NKAIN3: variants seen among roughly 807,000 people sequenced by gnomAD.
NKAIN3 encodes sodium/potassium-transporting ATPase subunit beta-1-interacting protein 3.
A neutral mutation model predicts 30.2 loss-of-function variants in NKAIN3; 25 were observed. That is an observed-to-expected ratio of 0.83 (90% CI 0.60 to 1.16). NKAIN3 has a LOEUF of 1.16. NKAIN3 is among the 50% of genes most tolerant of loss of function. The pLI is 0.00. For missense variants in NKAIN3, 225 were observed against 254.1 expected, an observed-to-expected ratio of 0.89 and a Z score of 0.78; for synonymous variants, 91 against 89.6, an observed-to-expected ratio of 1.02 and a Z score of -0.09.
intron 1 of NKAIN3, among the ~76,000 whole-genome samples, chr8:62,550,862 TA>T (rs1809186420): frequency 6.6e-6 from 1 of 152,204 alleles, no homozygotes. Context: ...ATTCCTAGTA[TA>T]TTTCTAAATC....
chr8:62,905,274 G>A lies in NKAIN3; in HGVS notation c.472-13179G>A, dbSNP rs183275888. On this transcript the variant is annotated intron_variant, in intron 4 of 6. Coordinates refer to ENST00000623646, the MANE Select transcript of NKAIN3 (RefSeq NM_001304533.3). ...GTTGGAGTACAGATGCATGGCAGAG[G>A]AGAGTGGAAGATAAGCCTTGGAGCC... Among the ~76,000 whole-genome samples the A allele has an allele frequency of 2.6e-5, 4 of 152,276 alleles. No individual in the cohort carries two copies. The East Asian group carries it at 7.7e-4, about 29-fold the overall frequency.
chr8:62,500,001 C>T (rs1304123878), intron 1 of NKAIN3, among the ~76,000 whole-genome samples: 1 of 151,962 alleles, frequency 6.6e-6, no homozygotes, highest in African/African-American at 2.4e-5. Context: ...AAGATCAGAC[C>T]TAGCATTTTA....
intron 4 of NKAIN3, among the ~76,000 whole-genome samples, chr8:62,779,308 A>C (rs754459042): frequency 6.6e-6 from 1 of 152,170 alleles, no homozygotes; most frequent in Non-Finnish European, 1.5e-5. Context: ...CCTTATGCTT[A>C]GCCTGCTTCT....
chr8:62,344,244 C>T (rs576239505), intron 1 of NKAIN3, among the ~76,000 whole-genome samples: 14 of 152,096 alleles, frequency 9.2e-5, no homozygotes, highest in South Asian at 2.1e-4. Context: ...GGTAGCCCAA[C>T]CTCTATGACT....
intron 1 of NKAIN3, among the ~76,000 whole-genome samples, chr8:62,392,082 G>A (rs916132201): frequency 1.1e-4 from 17 of 151,876 alleles, no homozygotes; most frequent in Admixed American, 7.2e-4. Flanking sequence ...TTTAGTAGAA[G>A]AAACAAAATT....
At chr8:62,406,015 A>C (rs537561106) in intron 1 of NKAIN3, among the ~76,000 whole-genome samples, 1 of 152,312 alleles carries the variant, frequency 6.6e-6, no homozygotes, top group East Asian at 1.9e-4. Context: ...CTCCAATAAG[A>C]ATATAAGTTC....
At chr8:62,899,561 A>C (rs1330530244) in intron 4 of NKAIN3, among the ~76,000 whole-genome samples, 1 of 152,126 alleles carries the variant, frequency 6.6e-6, no homozygotes, top group Non-Finnish European at 1.5e-5. Context: ...GATAGACAGT[A>C]GAAGGATGGT....
chr8:62,747,123 A>G lies in NKAIN3; in HGVS notation c.465A>G (p.Leu155=). 8.2e-6 allele frequency: 13 copies of G among 1,593,312 alleles called. No individual in the cohort carries two copies. The highest frequency in any genetic ancestry group is 1.1e-5 in the Non-Finnish European group (13 of 1,162,550). The change falls in exon 4 of 7, where the codon CTA becomes CTG. Residue 155 remains leucine (L), a synonymous_variant. Coordinates refer to ENST00000623646, the MANE Select transcript of NKAIN3 (RefSeq NM_001304533.3). ...LEVIHSAVQI[L]LSLVGFVYAC... ...TCATCCACAGTGCTGTCCAAATACT[A>G]CTCTCTGTAAGTGTCACTTTTGTGT...
At chr8:62,681,150 G>A (rs1194795594) in intron 3 of NKAIN3, among the ~76,000 whole-genome samples, 1 of 152,154 alleles carries the variant, frequency 6.6e-6, no homozygotes, top group African/African-American at 2.4e-5. Flanking sequence ...TGCCAATCCT[G>A]TCTCAATAAT....
At chr8:62,426,015 T>C (rs1258258879) in intron 1 of NKAIN3, among the ~76,000 whole-genome samples, 1 of 152,016 alleles carries the variant, frequency 6.6e-6, no homozygotes, top group Non-Finnish European at 1.5e-5. Flanking sequence ...TGGATTTGAT[T>C]GATTGAATGG....
intron 1 of NKAIN3, among the ~76,000 whole-genome samples, chr8:62,409,728 A>C (rs1804180625): frequency 6.6e-6 from 1 of 152,004 alleles, no homozygotes; most frequent in Admixed American, 6.6e-5. Flanking sequence ...AAGAAGAAAA[A>C]TATCCAACTT....
At chr8:62,336,545 T>C (rs1384546642) in intron 1 of NKAIN3, among the ~76,000 whole-genome samples, 1 of 151,964 alleles carries the variant, frequency 6.6e-6, no homozygotes, top group Non-Finnish European at 1.5e-5. Flanking sequence ...ACAGTCTCTA[T>C]GAGGCCCTTC....
At chr8:62,788,655 T>G (rs537264204) in intron 4 of NKAIN3, among the ~76,000 whole-genome samples, 1 of 152,280 alleles carries the variant, frequency 6.6e-6, no homozygotes, top group Non-Finnish European at 1.5e-5. Context: ...TTCTAGGGTT[T>G]TTATGGTTTT....
chr8:62,908,852 C>T (rs1207725715), intron 4 of NKAIN3, among the ~76,000 whole-genome samples: 1 of 152,110 alleles, frequency 6.6e-6, no homozygotes, highest in East Asian at 1.9e-4. Flanking sequence ...TCTATCATTC[C>T]TTAAGGATTC....
chr8:62,494,206 G>A lies in NKAIN3; in HGVS notation c.55-85333G>A, dbSNP rs542880812. Among the ~76,000 whole-genome samples the A allele has an allele frequency of 4.6e-5, 7 of 152,120 alleles. No individual in the cohort carries two copies. In the South Asian group the frequency reaches 6.2e-4, roughly 14 times the overall value. ...TTGTGGTATGTTCCTTCAATAACTC[G>A]TTTATTGAGAATTTTTAACATGAAA... On this transcript the variant is annotated intron_variant, in intron 1 of 6. Transcript: ENST00000623646.
rs1273717813 is a variant in NKAIN3 at position 62,863,908 on chromosome 8, T to TC, written c.472-54543dup. On this transcript the variant is annotated intron_variant, in intron 4 of 6. Transcript: ENST00000623646. Reference sequence around the variant, plus strand: ...CTTGCTCATCATCTGATCCAGGATCTCCTCCTTTGGCTCTGGTGGTGTGGG... The same window carrying TC: ...CTTGCTCATCATCTGATCCAGGATCTCCCTCCTTTGGCTCTGGTGGTGTGGG... The TC allele has an allele frequency of 4.6e-6, 6 of 1,294,536 alleles. No individual in the cohort carries two copies. The African/African-American group carries it at 5.9e-5, about 13-fold the overall frequency. 80.2% of individuals were successfully genotyped at this position (1,294,536 alleles called of 1,614,324 possible). A position where few individuals can be genotyped will look rare whatever the true frequency, so the allele number is the denominator to read the frequency against.
At chr8:62,706,786 C>A (rs1160352691) in intron 3 of NKAIN3, among the ~76,000 whole-genome samples, 1 of 151,828 alleles carries the variant, frequency 6.6e-6, no homozygotes, top group Non-Finnish European at 1.5e-5. Context: ...ACTCGTCACC[C>A]AAGCAGTATA....
intron 3 of NKAIN3, among the ~76,000 whole-genome samples, chr8:62,743,981 T>C (rs949029563): frequency 3.9e-5 from 6 of 152,182 alleles, no homozygotes; most frequent in Non-Finnish European, 8.8e-5. Flanking sequence ...AGGCAAGTGA[T>C]AGAGTAATAT....
intron 1 of NKAIN3, among the ~76,000 whole-genome samples, chr8:62,445,651 TAGTAG>T (rs1805466395): frequency 6.6e-6 from 1 of 152,146 alleles, no homozygotes; most frequent in South Asian, 2.1e-4. Context: ...CAGAATATAG[TAGTAG>T]AGATGGTGAG....
Sources: gnomAD v4.1 joint callset for allele counts (sites outside exome capture counted in the v4.1 genomes callset) on GRCh38, gnomAD v4.1.1 for gene constraint, MANE v1.5 for transcripts, NCBI Gene and HGNC (gene_info 2026-07-23, HGNC 2026-07-21) for gene names.